Variants in NGFR observed in about 807,000 individuals in gnomAD.
NGFR encodes the protein tumor necrosis factor receptor superfamily member 16.
A neutral mutation model predicts 43.2 loss-of-function variants in NGFR; 30 were observed. That is an observed-to-expected ratio of 0.69 (90% CI 0.52 to 0.94). The LOEUF is 0.94. Ranked by LOEUF, NGFR falls within the 40% of genes least tolerant of loss-of-function variation. The pLI, the probability that NGFR is intolerant of heterozygous loss-of-function variation, is 0.00. For synonymous variants in NGFR, 246 were observed against 259.6 expected, an observed-to-expected ratio of 0.95 and a Z score of 0.50; for missense variants, 529 against 602.5, an observed-to-expected ratio of 0.88 and a Z score of 1.28.
Position 49,513,324 on chromosome 17 carries a change from C to T in NGFR, c.*315C>T. 1 of 398,568 alleles carries T rather than the reference C, an allele frequency of 2.5e-6. No homozygotes were observed. Among genetic ancestry groups the T allele is most frequent in the Admixed American group, 4.2e-5 (1 of 23,944 alleles). The allele number at this position is 398,568 out of a possible 1,614,324, so 24.7% of individuals were successfully genotyped here. A position where few individuals can be genotyped will look rare whatever the true frequency, so the allele number is the denominator to read the frequency against. On this transcript the variant is annotated 3_prime_UTR_variant, in exon 6 of 6. Coordinates refer to ENST00000172229, the MANE Select transcript of NGFR (RefSeq NM_002507.4). Reference sequence around the variant, plus strand: ...CACTGCTAGGTGGGCCAGCCCCTCCCACCACAGCAGGTGTCATATATGGGG... The same window carrying T: ...CACTGCTAGGTGGGCCAGCCCCTCCTACCACAGCAGGTGTCATATATGGGG...
chr17:49,508,037 G>A (rs937246975), intron 3 of NGFR, among the ~76,000 whole-genome samples: 42 of 152,234 alleles, frequency 2.8e-4, no homozygotes, highest in African/African-American at 8.2e-4. Context: ...GGATGGGGAG[G>A]GCTGTTACGC....
intron 3 of NGFR, among the ~76,000 whole-genome samples, chr17:49,508,104 A>C (rs1468575600): frequency 6.6e-6 from 1 of 152,244 alleles, no homozygotes; most frequent in Non-Finnish European, 1.5e-5. Context: ...AATGAGGAGT[A>C]GGATGTGGTG....
intron 1 of NGFR, among the ~76,000 whole-genome samples, chr17:49,500,123 A>G (rs2071159160): frequency 6.6e-6 from 1 of 152,110 alleles, no homozygotes; most frequent in East Asian, 1.9e-4. Flanking sequence ...AAAGAACAAA[A>G]GAGTTTCCCT....
chr17:49,513,139 C>A lies in NGFR; in HGVS notation c.*130C>A. 9.7e-7 allele frequency: 1 copy of A among 1,030,588 alleles called. No homozygotes were observed. Among genetic ancestry groups the A allele is most frequent in the Non-Finnish European group, 1.4e-6 (1 of 732,352 alleles). The allele number at this position is 1,030,588 out of a possible 1,614,324, so 63.8% of individuals were successfully genotyped here. On this transcript the variant is annotated 3_prime_UTR_variant, in exon 6 of 6. Transcript: ENST00000172229. ...AGAACTGAGCTCCTCTGGGCAGGACCTCAGAGTCCAGGCCCCAAAACCACA... is the reference window on the plus strand; with the variant it reads ...AGAACTGAGCTCCTCTGGGCAGGACATCAGAGTCCAGGCCCCAAAACCACA...
rs1597865061 is a variant in NGFR, at chr17:49,512,323, C to T, written c.982+271C>T. The stretch of plus-strand genomic sequence containing the variant: ...GGGGGCTAATTATTGCCCAAAGTAG[C>T]TGCAATTAGCCTCTTGCCCTGGACT... On this transcript the variant is annotated intron_variant, in intron 5 of 5. Transcript: ENST00000172229. This position sits in a 1 kb window ranked among gnomAD's most constrained non-coding sequence, Gnocchi z 5.2. Among the ~76,000 whole-genome samples the T allele has an allele frequency of 6.6e-6, 1 of 152,196 alleles. No homozygotes were observed. Among genetic ancestry groups the T allele is most frequent in the East Asian group, 1.9e-4 (1 of 5,196 alleles).
At chr17:49,498,497 A>G (rs2071151147) in intron 1 of NGFR, among the ~76,000 whole-genome samples, 3 of 152,206 alleles carry the variant, frequency 2.0e-5, no homozygotes, top group African/African-American at 7.2e-5. Context: ...CCACGGCCCC[A>G]TTCACTTAAG....
At chr17:49,503,749 G>A (rs2071180710) in intron 2 of NGFR, among the ~76,000 whole-genome samples, 1 of 152,202 alleles carries the variant, frequency 6.6e-6, no homozygotes, top group Non-Finnish European at 1.5e-5. Flanking sequence ...TCTGGCCCTG[G>A]CCTAACAGGG....
intron 1 of NGFR, 63 bp from the exon 2 acceptor site, chr17:49,502,000 A>ACCGC: frequency 7.6e-6 from 2 of 264,886 alleles, no homozygotes; most frequent in Non-Finnish European, 1.6e-5. Context: ...CCCCGGAAGA[A>ACCGC]CCCCCCCCAA....
chr17:49,502,001 C>CCG, intron 1 of NGFR, 62 bp from the exon 2 acceptor site: 3 of 221,818 alleles, frequency 1.4e-5, no homozygotes, highest in African/African-American at 2.9e-5. Flanking sequence ...CCCGGAAGAA[C>CCG]CCCCCCCAAC....
At chr17:49,506,693 T>TGGGGGGGGGGG in intron 3 of NGFR, 35 bp downstream of exon 3, 5 of 115,492 alleles carry the variant, frequency 4.3e-5, no homozygotes, top group Non-Finnish European at 4.6e-5. Flanking sequence ...GGAGTGGGGG[T>TGGGGGGGGGGG]GCGGGGGTGG....
At chr17:49,498,613 TA>T in intron 1 of NGFR, among the ~76,000 whole-genome samples, 1 of 152,104 alleles carries the variant, frequency 6.6e-6, no homozygotes, top group African/African-American at 2.4e-5. Context: ...TTTCTCTAAT[TA>T]AAAAAAATGA....
chr17:49,507,494 G>A (rs1033303433), intron 3 of NGFR, among the ~76,000 whole-genome samples: 10 of 152,220 alleles, frequency 6.6e-5, no homozygotes, highest in Admixed American at 1.3e-4. Context: ...GGAGCTGGGC[G>A]TGCCCACCTT....
chr17:49,498,459 G>T (rs1033019070), intron 1 of NGFR, among the ~76,000 whole-genome samples: 2 of 152,126 alleles, frequency 1.3e-5, no homozygotes, highest in African/African-American at 4.8e-5. Context: ...CCAGGTGTTT[G>T]AAAATCTCTC....
At chr17:49,509,292 G>A (rs1227106107) in intron 3 of NGFR, among the ~76,000 whole-genome samples, 1 of 152,204 alleles carries the variant, frequency 6.6e-6, no homozygotes, top group Non-Finnish European at 1.5e-5. Context: ...CAAAGTGGGG[G>A]CTGGGAGGGC....
intron 1 of NGFR, 61 bp from the exon 2 acceptor site, chr17:49,502,002 C>CGG: frequency 3.7e-6 from 1 of 269,490 alleles, no homozygotes; most frequent in Non-Finnish European, 8.0e-6. Flanking sequence ...CCGGAAGAAC[C>CGG]CCCCCCAACC....
chr17:49,514,600 A>G lies in NGFR; in HGVS notation c.*1591A>G, dbSNP rs948554746. The G allele has an allele frequency of 6.6e-6, 1 of 152,250 alleles. No homozygotes were observed. Among genetic ancestry groups the G allele is most frequent in the Non-Finnish European group, 1.5e-5 (1 of 68,084 alleles). 9.4% of individuals were successfully genotyped at this position (152,250 alleles called of 1,614,324 possible). Reference sequence around the variant, plus strand: ...GCTGACAACCACCGCTCCCCAGCCCAGGGTTCCCCCAGCCCTGTGGAAGGG... The same window carrying G: ...GCTGACAACCACCGCTCCCCAGCCCGGGGTTCCCCCAGCCCTGTGGAAGGG... On this transcript the variant is annotated 3_prime_UTR_variant, in exon 6 of 6. Coordinates refer to ENST00000172229, the MANE Select transcript of NGFR (RefSeq NM_002507.4).
intron 1 of NGFR, chr17:49,497,707 G>C (rs1159539387): frequency 2.0e-5 from 3 of 152,304 alleles, no homozygotes; most frequent in Non-Finnish European, 2.9e-5. Context: ...GGCGGGCCGC[G>C]CCGGTAATGG....
intron 1 of NGFR, 64 bp from the exon 2 acceptor site, chr17:49,501,999 A>ATGGGCCCCCCCCCC: frequency 1.5e-5 from 5 of 330,976 alleles, no homozygotes; most frequent in Non-Finnish European, 2.9e-5. Context: ...TCCCCGGAAG[A>ATGGGCCCCCCCCCC]ACCCCCCCCA....
chr17:49,506,701 T>TGGGGGTGGGGGGGGGGGGG, intron 3 of NGFR, 43 bp downstream of exon 3: 1 of 148,986 alleles, frequency 6.7e-6, no homozygotes, highest in Non-Finnish European at 1.1e-5. Flanking sequence ...GGTGCGGGGG[T>TGGGGGTGGGGGGGGGGGGG]GGGCTGGGGG....
Sources: gnomAD v4.1 joint callset for allele counts (sites outside exome capture counted in the v4.1 genomes callset) on GRCh38, gnomAD v4.1.1 for gene constraint, Gnocchi (gnomAD v3.1) non-coding constraint, MANE v1.5 for transcripts, NCBI Gene and HGNC (gene_info 2026-07-23, HGNC 2026-07-21) for gene names.